The following IFI16 variants were observed in gnomAD, a reference collection of about 807,000 sequenced individuals.
IFI16 encodes the protein gamma-interferon-inducible protein 16.
In IFI16, 49 loss-of-function variants were observed where a neutral mutation model predicts 68.4. That is an observed-to-expected ratio of 0.72 (90% CI 0.57 to 0.91). IFI16 has a LOEUF of 0.91. IFI16 is among the 40% of genes least tolerant of loss of function. IFI16 has a pLI of 0.00. For synonymous variants in IFI16, 307 were observed against 315.0 expected (o/e 0.97, Z 0.27); for missense variants, 878 against 942.9 (o/e 0.93, Z 0.90).
intron 11 of IFI16, among the ~76,000 whole-genome samples, chr1:159,054,343 G>A (rs1655551298): frequency 6.6e-6 from 1 of 152,322 alleles, no homozygotes; most frequent in African/African-American, 2.4e-5. Flanking sequence ...ATATTAGAAG[G>A]CAAATAGTTC....
rs551175363 is a variant in IFI16 at position 159,047,273 on chromosome 1, T to A, written c.1497+1809T>A. On this transcript the variant is annotated intron_variant, in intron 8 of 11. Coordinates refer to ENST00000295809, the MANE Select transcript of IFI16 (RefSeq NM_001376587.1). Reference sequence around the variant, plus strand: ...GTTTTCTCAATTTTTTAGACAGTCTTTTTTTTTAGTTATTAATTTCAAGAT... The same window carrying A: ...GTTTTCTCAATTTTTTAGACAGTCTATTTTTTTAGTTATTAATTTCAAGAT... Among the ~76,000 whole-genome samples the A allele has an allele frequency of 2.0e-5, 3 of 150,678 alleles. 1 individual carries two copies. The highest frequency in any genetic ancestry group is 7.3e-5 in the African/African-American group (3 of 41,108).
At chr1:159,024,507 T>C (rs1653529716) in intron 6 of IFI16, among the ~76,000 whole-genome samples, 1 of 152,210 alleles carries the variant, frequency 6.6e-6, no homozygotes, top group Admixed American at 6.5e-5. Context: ...ACCTTTTTTG[T>C]GGAAGTCTAA....
intron 10 of IFI16, 91 bp downstream of exon 10, chr1:159,052,189 C>T (rs1030931150): frequency 2.9e-6 from 3 of 1,018,120 alleles, no homozygotes; most frequent in Non-Finnish European, 4.3e-6. Flanking sequence ...TCAACTTACT[C>T]AACACAGAAA....
chr1:159,028,969 T>C (rs1557871422), intron 6 of IFI16, among the ~76,000 whole-genome samples: 1 of 152,174 alleles, frequency 6.6e-6, no homozygotes, highest in South Asian at 2.1e-4. Flanking sequence ...AAGTGGAGCA[T>C]TTTGGCCATT....
chr1:159,031,311 C>T (rs1282281204), intron 6 of IFI16, among the ~76,000 whole-genome samples: 3 of 152,222 alleles, frequency 2.0e-5, no homozygotes, highest in Non-Finnish European at 2.9e-5. Context: ...GCTGTGGCTT[C>T]TGTGCTGGTG....
chr1:159,003,464 G>C (rs1314678647), upstream of IFI16, among the ~76,000 whole-genome samples: 2 of 152,018 alleles, frequency 1.3e-5, no homozygotes, highest in Non-Finnish European at 2.9e-5. Context: ...AAAGGAGCTC[G>C]ATCTCTGTTA....
At chr1:159,019,695 G>A (rs746453209) in intron 5 of IFI16, among the ~76,000 whole-genome samples, 1 of 152,048 alleles carries the variant, frequency 6.6e-6, no homozygotes. Flanking sequence ...TCCTGACCTC[G>A]TGATCTGCCC....
rs1376023625 is a variant in IFI16, at chr1:159,047,162, C to T, written c.1497+1698C>T. On this transcript the variant is annotated intron_variant, in intron 8 of 11. Transcript: ENST00000295809. ...TACTATTCTCCAATGTTGTTTCTCA[C>T]CCAAGCCCCAAGCTACCCCCGGCCC... Among the ~76,000 whole-genome samples the T allele has an allele frequency of 8.6e-5, 13 of 151,190 alleles. 1 individual carries two copies. Among genetic ancestry groups the T allele is most frequent in the East Asian group, 1.9e-4 (1 of 5,190 alleles).
intron 6 of IFI16, among the ~76,000 whole-genome samples, chr1:159,026,864 A>T (rs1653703554): frequency 6.6e-6 from 1 of 152,126 alleles, no homozygotes; most frequent in Non-Finnish European, 1.5e-5. Flanking sequence ...TCATGCTTTA[A>T]TTTTGTATCC....
chr1:159,046,030 G>T (rs1258375729), intron 8 of IFI16, among the ~76,000 whole-genome samples: 1 of 150,978 alleles, frequency 6.6e-6, no homozygotes, highest in Non-Finnish European at 1.5e-5. Flanking sequence ...TATAACTCAT[G>T]CTTTTTATTA....
At position 159,051,893 on chromosome 1, in the gene IFI16, A is replaced by C; in HGVS notation, c.1880A>C (p.Lys627Thr). 6.2e-7 allele frequency: 1 copy of C among 1,614,136 alleles called. No homozygotes were observed. The highest frequency in any genetic ancestry group is 8.5e-7 in the Non-Finnish European group (1 of 1,179,962). The stretch of plus-strand genomic sequence containing the variant: ...GACCTAAAGGAGAAGTTCACCCCAA[A>C]GAAGATCATTGCCATAGCAAATTAT... ...NIDLKEKFTPKKIIAIANYVC... is the reference protein window; with the variant it reads ...NIDLKEKFTPTKIIAIANYVC... Residue 627 changes from lysine to threonine, a missense_variant, in exon 10 of 12, where the codon AAG becomes ACG. This residue lies in a region of IFI16 where 311 missense variants were observed against 305.1 expected (regional missense o/e 1.02). Coordinates refer to ENST00000295809, the MANE Select transcript of IFI16 (RefSeq NM_001376587.1).
chr1:159,053,721 C>T lies in IFI16; in HGVS notation c.2274C>T (p.Ile758=). The T allele has an allele frequency of 6.2e-7, 1 of 1,611,656 alleles. No homozygotes were observed. Among genetic ancestry groups the T allele is most frequent in the Non-Finnish European group, 8.5e-7 (1 of 1,178,300 alleles). The change falls in exon 11 of 12, where the codon ATC becomes ATT. Residue 758 remains isoleucine, a synonymous_variant. Coordinates refer to ENST00000295809, the MANE Select transcript of IFI16 (RefSeq NM_001376587.1). ...GELRSVIHSH[I]KVIKTRKNKK... is the part of the protein sequence containing the mutation. ...TGAGATCTGTAATTCATAGTCACATCAAGGTTGGAACTTTATAGGAACATC... is the reference window on the plus strand; with the variant it reads ...TGAGATCTGTAATTCATAGTCACATTAAGGTTGGAACTTTATAGGAACATC...
At chr1:159,042,950 T>C (rs1296579705) in intron 7 of IFI16, among the ~76,000 whole-genome samples, 1 of 152,182 alleles carries the variant, frequency 6.6e-6, no homozygotes, top group Non-Finnish European at 1.5e-5. Context: ...CCATGGCAAC[T>C]TGAGGGATAG....
At chr1:159,022,693 C>A (rs938852722) in intron 6 of IFI16, among the ~76,000 whole-genome samples, 1 of 152,182 alleles carries the variant, frequency 6.6e-6, no homozygotes, top group African/African-American at 2.4e-5. Flanking sequence ...CATGTTAGGG[C>A]AAATATTTAG....
At chr1:159,029,079 T>C (rs1484703055) in intron 6 of IFI16, among the ~76,000 whole-genome samples, 3 of 152,238 alleles carry the variant, frequency 2.0e-5, no homozygotes, top group Non-Finnish European at 4.4e-5. Context: ...TATTGTTTTA[T>C]AAGTCCTATG....
rs557975472 is a variant in IFI16, at chr1:159,028,316, A to C, written c.1162-4208A>C. On this transcript the variant is annotated intron_variant, in intron 6 of 11. Transcript: ENST00000295809. ...GGTTATTTAATTTCCATGTATTTGCATGGTTTTAAGGTTGCTTACAGTTGA... is the reference window on the plus strand; with the variant it reads ...GGTTATTTAATTTCCATGTATTTGCCTGGTTTTAAGGTTGCTTACAGTTGA... Among the ~76,000 whole-genome samples the C allele has an allele frequency of 5.3e-5, 8 of 152,170 alleles. No homozygotes were observed. The South Asian group carries it at 1.7e-3, about 32-fold the overall frequency.
chr1:159,032,973 A>T (rs1245221293), intron 7 of IFI16, among the ~76,000 whole-genome samples: 1 of 151,930 alleles, frequency 6.6e-6, no homozygotes, highest in Non-Finnish European at 1.5e-5. Context: ...GAGTGGCCAG[A>T]CAAGCAGAGA....
intron 7 of IFI16, among the ~76,000 whole-genome samples, chr1:159,045,008 A>C (rs1654890463): frequency 6.6e-6 from 1 of 152,030 alleles, no homozygotes. Context: ...TAAGAGTTGT[A>C]CCTGACCAAA....
intron 2 of IFI16, 68 bp downstream of exon 2, chr1:159,015,013 C>A: frequency 1.4e-6 from 2 of 1,387,762 alleles, no homozygotes; most frequent in Non-Finnish European, 2.0e-6. Flanking sequence ...TTGATTAGAG[C>A]CCCACCTCGG....
Sources: allele counts gnomAD v4.1 joint callset (sites outside exome capture counted in the v4.1 genomes callset), GRCh38; gene constraint gnomAD v4.1.1; regional missense constraint gnomAD v4.1.1; transcripts MANE v1.5; gene names NCBI Gene and HGNC (gene_info 2026-07-23, HGNC 2026-07-21).